Variants in HPSE2 observed in about 807,000 individuals in gnomAD.
HPSE2 encodes the protein heparanase 2 (inactive), also known as inactive heparanase-2.
Under a neutral mutation model 60.5 loss-of-function variants are expected in HPSE2, and 38 were observed. The ratio of observed to expected loss-of-function variants is 0.63; its 90% CI spans 0.48 to 0.82. The LOEUF is 0.82. HPSE2 is among the 40% of genes least tolerant of loss of function. The pLI is 0.00. For missense variants in HPSE2, 713 were observed against 740.4 expected (o/e 0.96, Z 0.43); for synonymous variants, 295 against 293.2 (o/e 1.01, Z -0.06).
At chr10:99,140,199 A>G (rs1845815325) in intron 3 of HPSE2, among the ~76,000 whole-genome samples, 1 of 152,204 alleles carries the variant, frequency 6.6e-6, no homozygotes, top group Non-Finnish European at 1.5e-5. Context: ...TGGAAGTGGA[A>G]GTCTCTTTTG....
intron 2 of HPSE2, among the ~76,000 whole-genome samples, chr10:99,196,061 C>T (rs1052692430): frequency 2.0e-5 from 3 of 152,012 alleles, no homozygotes; most frequent in Admixed American, 1.3e-4. Flanking sequence ...CATACCTCTA[C>T]AGTGAACTCA....
intron 3 of HPSE2, among the ~76,000 whole-genome samples, chr10:98,880,628 T>C (rs1275130972): frequency 6.6e-6 from 1 of 152,016 alleles, no homozygotes; most frequent in Non-Finnish European, 1.5e-5. Context: ...CTGCTTCCTT[T>C]TGATTATCAA....
chr10:98,779,840 T>G (rs1452806452), intron 3 of HPSE2, among the ~76,000 whole-genome samples: 4 of 152,042 alleles, frequency 2.6e-5, no homozygotes, highest in Non-Finnish European at 4.4e-5. Flanking sequence ...TTTTTGAGAG[T>G]AATTATATTC....
chr10:99,114,959 T>G (rs1188718519), intron 3 of HPSE2, among the ~76,000 whole-genome samples: 1 of 149,900 alleles, frequency 6.7e-6, no homozygotes, highest in African/African-American at 2.5e-5. Context: ...TAAAAATATA[T>G]ATCCTTTAGT....
In HPSE2 at chr10:99,064,922, T is replaced by C. The variant is rs568584794; in HGVS notation, c.610+79316A>G. 2.2e-4 allele frequency among the ~76,000 whole-genome samples: 33 copies of C among 152,228 alleles called. 2 individuals carry two copies. In the South Asian group the frequency reaches 6.6e-3, roughly 31 times the overall value. On this transcript the variant is annotated intron_variant, in intron 3 of 11. Transcript: ENST00000370552. ...ATAACACTGTTTAGAAACAATACAATCAGAAAAAATTCCTGTAAATTTTTT... is the reference window on the plus strand; with the variant it reads ...ATAACACTGTTTAGAAACAATACAACCAGAAAAAATTCCTGTAAATTTTTT...
intron 3 of HPSE2, among the ~76,000 whole-genome samples, chr10:99,083,885 A>C (rs1589629034): frequency 6.6e-6 from 1 of 151,970 alleles, no homozygotes; most frequent in East Asian, 1.9e-4. Flanking sequence ...AAAAGACTGG[A>C]AATACCTGAG....
intron 3 of HPSE2, among the ~76,000 whole-genome samples, chr10:99,041,341 C>T (rs1292186240): frequency 1.3e-5 from 2 of 152,100 alleles, no homozygotes; most frequent in African/African-American, 2.4e-5. Context: ...AGAACAGCTG[C>T]CCACCCAGGA....
chr10:98,741,838 T>C (rs559024206), intron 4 of HPSE2, among the ~76,000 whole-genome samples: 7 of 152,318 alleles, frequency 4.6e-5, no homozygotes, highest in African/African-American at 9.6e-5. Flanking sequence ...TTATGCCTAA[T>C]TGGTCTCTCA....
the HPSE2 span, among the ~76,000 whole-genome samples, chr10:99,272,081 G>A: frequency 3.3e-5 from 5 of 152,138 alleles, no homozygotes; most frequent in Admixed American, 3.3e-4. Flanking sequence ...GACCGGCCAG[G>A]CCAACATGGT....
chr10:99,011,572 G>A (rs1391876079), intron 3 of HPSE2, among the ~76,000 whole-genome samples: 1 of 151,534 alleles, frequency 6.6e-6, no homozygotes, highest in Non-Finnish European at 1.5e-5. Context: ...CCTAGCCAAC[G>A]TCGTGAAACC....
intron 2 of HPSE2, among the ~76,000 whole-genome samples, chr10:99,169,192 CA>C (rs751491579): frequency 3.6e-3 from 181 of 50,522 alleles, no homozygotes; most frequent in African/African-American, 5.9e-3. Flanking sequence ...GACTCCGTCT[CA>C]AAAAAAAAAA....
At chr10:98,540,340 T>C (rs904694416) in intron 9 of HPSE2, among the ~76,000 whole-genome samples, 3 of 152,228 alleles carry the variant, frequency 2.0e-5, no homozygotes, top group African/African-American at 7.2e-5. Context: ...TGTGTGAATT[T>C]TGAGCAAGGT....
intron 3 of HPSE2, among the ~76,000 whole-genome samples, chr10:98,813,525 CT>C (rs2134580463): frequency 6.6e-6 from 1 of 152,230 alleles, no homozygotes; most frequent in African/African-American, 2.4e-5. Flanking sequence ...AAAAGTGGCC[CT>C]GCCCACAAAG....
At chr10:98,932,586 C>T (rs1296193818) in intron 3 of HPSE2, among the ~76,000 whole-genome samples, 1 of 129,320 alleles carries the variant, frequency 7.7e-6, no homozygotes, top group Non-Finnish European at 1.6e-5. Context: ...TCAGCTGTAA[C>T]TCCATCTGGA....
intron 11 of HPSE2, among the ~76,000 whole-genome samples, chr10:98,478,409 G>A (rs972205161): frequency 1.2e-4 from 18 of 151,982 alleles, no homozygotes; most frequent in African/African-American, 4.4e-4. Flanking sequence ...AGGGGGAATG[G>A]GGACCAGAAG....
intron 9 of HPSE2, among the ~76,000 whole-genome samples, chr10:98,525,045 T>C (rs933635702): frequency 6.6e-6 from 1 of 152,210 alleles, no homozygotes; most frequent in Non-Finnish European, 1.5e-5. Flanking sequence ...AATTTCACTC[T>C]TGTCGCCCAG....
At chr10:99,087,865 A>G (rs1238666614) in intron 3 of HPSE2, among the ~76,000 whole-genome samples, 2 of 152,182 alleles carry the variant, frequency 1.3e-5, no homozygotes, top group East Asian at 3.8e-4. Context: ...AGTTGAAATT[A>G]TGACTTCTTA....
At chr10:98,605,632 G>T (rs1174906522) in intron 9 of HPSE2, among the ~76,000 whole-genome samples, 1 of 152,154 alleles carries the variant, frequency 6.6e-6, no homozygotes. Context: ...CCAGATAAAG[G>T]GCCAGGCAGT....
intron 4 of HPSE2, among the ~76,000 whole-genome samples, chr10:98,726,524 T>C (rs988087689): frequency 1.3e-5 from 2 of 150,728 alleles, no homozygotes; most frequent in South Asian, 2.1e-4. Context: ...TTAGGAGATA[T>C]ACCTAATGCT....
Sources: allele counts gnomAD v4.1 joint callset (sites outside exome capture counted in the v4.1 genomes callset), GRCh38; gene constraint gnomAD v4.1.1; transcripts MANE v1.5; gene names NCBI Gene and HGNC (gene_info 2026-07-23, HGNC 2026-07-21).